The following CIBAR1 variants were observed in gnomAD, a reference collection of about 807,000 sequenced individuals.
The protein encoded by CIBAR1 is CBY1 interacting BAR domain containing 1, also known as CBY1-interacting BAR domain-containing protein 1.
In CIBAR1, 25 loss-of-function variants were observed where a neutral mutation model predicts 44.0. That is an observed-to-expected ratio of 0.57 (90% confidence interval 0.41 to 0.79). The LOEUF is 0.79. Among genes scored for constraint, CIBAR1 ranks in the 30% least tolerant of loss-of-function variants. The probability of loss-of-function intolerance (pLI) is 0.00; values close to 1 mark genes in which losing one functional copy is unlikely to be tolerated. For synonymous variants in CIBAR1, 115 were observed against 119.0 expected, an observed-to-expected ratio of 0.97 and a Z score of 0.22; for missense variants, 278 against 344.8, an observed-to-expected ratio of 0.81 and a Z score of 1.53.
In CIBAR1 at chr8:93,704,999, CGA is replaced by C; in HGVS notation, c.422_423del (p.Arg141ProfsTer18). ...AACACGTCAGCGAAACCCATCTGAT[CGA>C]CATGTTATTGTATCCTTTGAATTTG... is the stretch of plus-strand genomic sequence containing the variant. ...ERTRQRNPSD[R>X]HVISQAETEL... On this transcript the variant is annotated frameshift_variant, in exon 4 of 9. Coordinates refer to ENST00000518322, the MANE Select transcript of CIBAR1 (RefSeq NM_145269.5). LOFTEE classifies it high-confidence loss of function. The C allele has an allele frequency of 6.2e-7, 1 of 1,610,110 alleles. No homozygotes were observed. Among genetic ancestry groups the C allele is most frequent in the South Asian group, 1.1e-5 (1 of 90,734 alleles).
At position 93,729,586 on chromosome 8, in the gene CIBAR1, A is replaced by G. The variant is rs923462573; in HGVS notation, c.*1289A>G. 2.0e-5 allele frequency: 3 copies of G among 152,216 alleles called. No individual in the cohort carries two copies. The highest frequency in any genetic ancestry group is 7.2e-5 in the African/African-American group (3 of 41,468). 9.4% of individuals were successfully genotyped at this position (152,216 alleles called of 1,614,324 possible). A position where few individuals can be genotyped will look rare whatever the true frequency, so the allele number is the denominator to read the frequency against. On this transcript the variant is annotated 3_prime_UTR_variant, in exon 9 of 9. Coordinates refer to ENST00000518322, the MANE Select transcript of CIBAR1 (RefSeq NM_145269.5). ...AACATACATTCTGCCTACCTCAAAG[A>G]AATATTCTAAGAACAAAAGGAATAC...
intron 7 of CIBAR1, 41 bp downstream of exon 7, chr8:93,718,829 T>A: frequency 8.4e-7 from 1 of 1,194,870 alleles, no homozygotes; most frequent in Non-Finnish European, 1.2e-6. Flanking sequence ...TCTGTTAATG[T>A]GGAAATATTT....
chr8:93,726,562 ATTG>A, intron 8 of CIBAR1, 49 bp downstream of exon 8: 8 of 1,598,340 alleles, frequency 5.0e-6, no homozygotes, highest in East Asian at 2.2e-5. Flanking sequence ...TGCCTTTGGA[ATTG>A]TTGAGTTCTA....
At chr8:93,700,928 C>T (rs1321945143) in intron 1 of CIBAR1, 3 of 1,359,396 alleles carry the variant, frequency 2.2e-6, no homozygotes, top group African/African-American at 3.0e-5. Context: ...GCGGGCAGTG[C>T]GGAAGCCTAG....
chr8:93,722,433 T>G lies in CIBAR1; in HGVS notation c.657+3645T>G, dbSNP rs181722727. 4.6e-3 allele frequency among the ~76,000 whole-genome samples: 707 copies of G among 152,290 alleles called. 8 individuals are homozygous for G. The highest frequency in any genetic ancestry group is 0.016 in the African/African-American group (665 of 41,552). The stretch of plus-strand genomic sequence containing the variant: ...AGTACTGTCAGCTGGGCGCGGTGGC[T>G]CATGCCTGTAATCCCAGCACTTTGG... On this transcript the variant is annotated intron_variant, in intron 7 of 8. Transcript: ENST00000518322.
In CIBAR1 at chr8:93,705,004, T is replaced by C; in HGVS notation, c.426T>C (p.His142=). 2 of 1,609,804 alleles carry C rather than the reference T, an allele frequency of 1.2e-6. No homozygotes were observed. Among genetic ancestry groups the C allele is most frequent in the South Asian group, 1.1e-5 (1 of 90,774 alleles). Residue 142 remains histidine (H), a synonymous_variant, in exon 4 of 9, where the codon CAT becomes CAC. Transcript: ENST00000518322. ...RTRQRNPSDR[H]VISQAETELQ... is the part of the protein sequence containing the mutation. ...GTCAGCGAAACCCATCTGATCGACATGTTATTGTATCCTTTGAATTTGGGT... is the reference window on the plus strand; with the variant it reads ...GTCAGCGAAACCCATCTGATCGACACGTTATTGTATCCTTTGAATTTGGGT...
rs1184055113 is a variant in CIBAR1 at position 93,708,015 on chromosome 8, A to G, written c.437A>G (p.Gln146Arg). 1 of 1,568,154 alleles carries G rather than the reference A, an allele frequency of 6.4e-7. No homozygotes were observed. Among genetic ancestry groups the G allele is most frequent in the Non-Finnish European group, 8.6e-7 (1 of 1,161,436 alleles). The change falls in exon 5 of 9, where the codon CAG becomes CGG. Residue 146 changes from glutamine to arginine, a missense_variant and splice_region_variant. Transcript: ENST00000518322. Reference protein sequence around the residue: ...RNPSDRHVISQAETELQRAAM... With the variant: ...RNPSDRHVISRAETELQRAAM... ...TTCCTTTATGAAAAATTTCAGTCAC[A>G]GGTGGGTAATAAAGTGGTGTGTCAA...
At chr8:93,718,817 C>A in intron 7 of CIBAR1, 29 bp downstream of exon 7, 3 of 1,253,310 alleles carry the variant, frequency 2.4e-6, no homozygotes, top group Middle Eastern at 1.9e-4. Flanking sequence ...AAGCTCAGTT[C>A]TTCTGTTAAT....
chr8:93,701,521 C>A, intron 2 of CIBAR1, 63 bp downstream of exon 2: 2 of 1,418,268 alleles, frequency 1.4e-6, no homozygotes, highest in Non-Finnish European at 9.7e-7. Context: ...ATGAAGGAAC[C>A]GTGGAAACTT....
At chr8:93,706,829 TGTA>T (rs1255905445) in intron 4 of CIBAR1, among the ~76,000 whole-genome samples, 1 of 152,194 alleles carries the variant, frequency 6.6e-6, no homozygotes, top group Non-Finnish European at 1.5e-5. Flanking sequence ...TACATACAAA[TGTA>T]GTCAATATAA....
chr8:93,705,956 AAAAAG>A, intron 4 of CIBAR1: 1 of 152,360 alleles, frequency 6.6e-6, no homozygotes, highest in Non-Finnish European at 1.5e-5. Context: ...TCAAAAAAAA[AAAAAG>A]AAAAAGAGAA....
At chr8:93,714,772 C>G (rs547523632) in intron 6 of CIBAR1, among the ~76,000 whole-genome samples, 1 of 152,288 alleles carries the variant, frequency 6.6e-6, no homozygotes, top group South Asian at 2.1e-4. Context: ...GTGTAAGCTA[C>G]TGTGCCTGGC....
intron 5 of CIBAR1, 63 bp from the exon 6 acceptor site, chr8:93,709,708 G>A (rs1810743449): frequency 7.3e-7 from 1 of 1,363,032 alleles, no homozygotes; most frequent in East Asian, 2.4e-5. Flanking sequence ...TTACCAGTAG[G>A]CTCAATTGAA....
chr8:93,700,907 C>T lies in CIBAR1; in HGVS notation c.26+234C>T. The T allele has an allele frequency of 4.5e-6, 6 of 1,328,340 alleles. No homozygotes were observed. In the South Asian group the frequency reaches 1.1e-4, roughly 25 times the overall value. 82.3% of individuals were successfully genotyped at this position (1,328,340 alleles called of 1,614,324 possible). A position where few individuals can be genotyped will look rare whatever the true frequency, so the allele number is the denominator to read the frequency against. ...CACCCACGCCACCGGGTCTCGGGTCCCCACACTGCCGCGGGCAGTGCGGAA... is the reference window on the plus strand; with the variant it reads ...CACCCACGCCACCGGGTCTCGGGTCTCCACACTGCCGCGGGCAGTGCGGAA... On this transcript the variant is annotated intron_variant, in intron 1 of 8. Coordinates refer to ENST00000518322, the MANE Select transcript of CIBAR1 (RefSeq NM_145269.5).
At chr8:93,728,140 A>C in intron 8 of CIBAR1, 65 bp from the exon 9 acceptor site, 1 of 987,796 alleles carries the variant, frequency 1.0e-6, no homozygotes, top group South Asian at 2.2e-5. Flanking sequence ...ATAAAAATAT[A>C]CCAAGAATGT....
In CIBAR1 at chr8:93,700,568, T is replaced by G. The variant is rs189067749; in HGVS notation, c.-80T>G. 521 of 1,390,786 alleles carry G rather than the reference T, an allele frequency of 3.7e-4. 3 individuals are homozygous for G. In the East Asian group the frequency reaches 0.014, roughly 36 times the overall value. 86.2% of individuals were successfully genotyped at this position (1,390,786 alleles called of 1,614,324 possible). ...GGCTTTCAGGCTCCCGGCGGCTGCT[T>G]GCGCCCCAGCGCGCGCCCAGGCGCC... On this transcript the variant is annotated 5_prime_UTR_variant, in exon 1 of 9. Transcript: ENST00000518322.
In CIBAR1 at chr8:93,730,089, G is replaced by A. The variant is rs1586305430; in HGVS notation, c.*1792G>A. 4.6e-5 allele frequency: 7 copies of A among 152,160 alleles called. No individual in the cohort carries two copies. Among genetic ancestry groups the A allele is most frequent in the Admixed American group, 3.9e-4 (6 of 15,278 alleles). The allele number at this position is 152,160 out of a possible 1,614,324, so 9.4% of individuals were successfully genotyped here. A position where few individuals can be genotyped will look rare whatever the true frequency, so the allele number is the denominator to read the frequency against. On this transcript the variant is annotated 3_prime_UTR_variant, in exon 9 of 9. Transcript: ENST00000518322. ...AAAAAGTTTGTGATTTTCGGAGCAT[G>A]TGAAATTTCAGATTACCAGATTAGG...
intron 1 of CIBAR1, chr8:93,700,879 A>T: frequency 7.6e-7 from 1 of 1,307,590 alleles, no homozygotes; most frequent in Non-Finnish European, 9.7e-7. Flanking sequence ...GCCGGCTGCC[A>T]CCCACCCACG....
chr8:93,703,400 T>G (rs1466593238), intron 2 of CIBAR1, among the ~76,000 whole-genome samples: 1 of 152,198 alleles, frequency 6.6e-6, no homozygotes, highest in African/African-American at 2.4e-5. Context: ...AATCCTAAGA[T>G]GATGATGTGG....
Sources: gnomAD v4.1 joint callset for allele counts (sites outside exome capture counted in the v4.1 genomes callset) on GRCh38, gnomAD v4.1.1 for gene constraint, MANE v1.5 for transcripts, NCBI Gene and HGNC (gene_info 2026-07-23, HGNC 2026-07-21) for gene names.